The following EGFLAM variants were observed in gnomAD, a reference collection of about 807,000 sequenced individuals.
The protein encoded by EGFLAM is EGF like, fibronectin type III and laminin G domains.
EGFLAM carries 79 observed loss-of-function variants against 113.1 expected under a neutral mutation model. The ratio of observed to expected loss-of-function variants is 0.70; its 90% CI spans 0.58 to 0.84. EGFLAM has a LOEUF of 0.84. Ranked by LOEUF, EGFLAM falls within the 40% of genes least tolerant of loss-of-function variation. The pLI is 0.00. For synonymous variants in EGFLAM, 504 were observed against 487.6 expected, an observed-to-expected ratio of 1.03 and a Z score of -0.44; for missense variants, 1,265 against 1,291.6, an observed-to-expected ratio of 0.98 and a Z score of 0.32.
intron 10 of EGFLAM, among the ~76,000 whole-genome samples, chr5:38,410,003 C>T (rs950605929): frequency 6.6e-6 from 1 of 152,150 alleles, no homozygotes; most frequent in Admixed American, 6.5e-5. Context: ...ATGGCACCAA[C>T]CCCCTGCTGC....
chr5:38,262,610 C>T (rs1757528027), intron 1 of EGFLAM, among the ~76,000 whole-genome samples: 1 of 152,160 alleles, frequency 6.6e-6, no homozygotes, highest in South Asian at 2.1e-4. Flanking sequence ...CCCTCTGTCG[C>T]ATAATGCTTT....
chr5:38,302,190 T>C (rs1366503152), intron 1 of EGFLAM, among the ~76,000 whole-genome samples: 2 of 147,278 alleles, frequency 1.4e-5, no homozygotes, highest in Admixed American at 6.8e-5. Flanking sequence ...TGAGCCGAGA[T>C]AGTGCCATTG....
chr5:38,298,180 C>G (rs1758491439), intron 1 of EGFLAM, among the ~76,000 whole-genome samples: 1 of 152,200 alleles, frequency 6.6e-6, no homozygotes, highest in African/African-American at 2.4e-5. Context: ...GGAACATTTA[C>G]TAGCAATGAG....
rs914681989 is a variant in EGFLAM at position 38,299,048 on chromosome 5, T to C, written c.98-38472T>C. Among the ~76,000 whole-genome samples the C allele has an allele frequency of 3.3e-5, 5 of 152,168 alleles. No individual in the cohort carries two copies. The East Asian group carries it at 9.6e-4, about 29-fold the overall frequency. On this transcript the variant is annotated intron_variant, in intron 1 of 21. Transcript: ENST00000322350. The stretch of plus-strand genomic sequence containing the variant: ...ACAATGATTTCTTCCTATGTAACAG[T>C]TGAGAAAGCTGGGGCACAGAAAGAT...
intron 1 of EGFLAM, among the ~76,000 whole-genome samples, chr5:38,268,875 G>T (rs150470759): frequency 6.6e-6 from 1 of 152,260 alleles, no homozygotes; most frequent in East Asian, 1.9e-4. Context: ...TTTACAAAAG[G>T]TAAAATTAAT....
chr5:38,422,466 C>T, intron 12 of EGFLAM, among the ~76,000 whole-genome samples: 1 of 152,124 alleles, frequency 6.6e-6, no homozygotes, highest in Admixed American at 6.5e-5. Context: ...CACTGCAGCC[C>T]CCTTTGGTGG....
intron 1 of EGFLAM, among the ~76,000 whole-genome samples, chr5:38,295,952 T>A (rs1291960212): frequency 2.0e-5 from 3 of 152,114 alleles, no homozygotes; most frequent in Non-Finnish European, 4.4e-5. Flanking sequence ...CAAAACACAA[T>A]CAGAGACAAA....
At chr5:38,353,811 A>G (rs1388511774) in intron 5 of EGFLAM, among the ~76,000 whole-genome samples, 3 of 152,194 alleles carry the variant, frequency 2.0e-5, no homozygotes, top group Non-Finnish European at 4.4e-5. Context: ...GGCTTTTCCC[A>G]TAGGGTGGCA....
At chr5:38,304,732 C>T (rs188853709) in intron 1 of EGFLAM, among the ~76,000 whole-genome samples, 75 of 152,198 alleles carry the variant, frequency 4.9e-4, no homozygotes, top group African/African-American at 1.7e-3. Context: ...CTAAACAGTG[C>T]CTCTAACATG....
chr5:38,448,566 A>C, intron 18 of EGFLAM, 187 bp downstream of exon 18: 1 of 626,336 alleles, frequency 1.6e-6, no homozygotes, highest in Non-Finnish European at 2.7e-6. Context: ...ATAAAACAAA[A>C]AACAAACTAA....
chr5:38,316,076 CAAA>C (rs199596625), intron 1 of EGFLAM, among the ~76,000 whole-genome samples: 1 of 125,322 alleles, frequency 8.0e-6, no homozygotes. Context: ...GACTCTGTCC[CAAA>C]AAAAAAAAAA....
intron 11 of EGFLAM, among the ~76,000 whole-genome samples, chr5:38,416,585 C>T (rs144522587): frequency 2.6e-5 from 4 of 152,216 alleles, no homozygotes; most frequent in East Asian, 3.9e-4. Context: ...CGGGATCTTG[C>T]GAAGGGCACA....
At position 38,448,317 on chromosome 5, in the gene EGFLAM, T is replaced by C. The variant is rs747762726; in HGVS notation, c.2481T>C (p.Ile827=). 1.2e-6 allele frequency: 2 copies of C among 1,612,496 alleles called. No homozygotes were observed. The highest frequency in any genetic ancestry group is 1.1e-5 in the South Asian group (1 of 91,024). ...LHCQKAIIEA[I]EIPQFIGRSY... is the part of the protein sequence containing the mutation. ...CTGTCCCAGCGATCATAGAAGCCAT[T>C]GAGATCCCGCAGTTTATCGGCCGCA... is the stretch of plus-strand genomic sequence containing the variant. The change falls in exon 18 of 22, where the codon ATT becomes ATC. Residue 827 remains isoleucine (I), a synonymous_variant. Coordinates refer to ENST00000322350, the MANE Select transcript of EGFLAM (RefSeq NM_152403.4).
chr5:38,430,427 T>C (rs1267796873), intron 14 of EGFLAM, among the ~76,000 whole-genome samples: 1 of 152,220 alleles, frequency 6.6e-6, no homozygotes, highest in Non-Finnish European at 1.5e-5. Flanking sequence ...AATGCAATGT[T>C]CCTACTGTAT....
At chr5:38,365,102 G>T (rs907781972) in intron 5 of EGFLAM, among the ~76,000 whole-genome samples, 2 of 152,146 alleles carry the variant, frequency 1.3e-5, no homozygotes, top group Non-Finnish European at 2.9e-5. Flanking sequence ...ACTCTCAAAA[G>T]TATTTTCCTA....
intron 12 of EGFLAM, 117 bp downstream of exon 12, chr5:38,418,372 G>A (rs1741722232): frequency 7.6e-7 from 1 of 1,315,990 alleles, no homozygotes; most frequent in Non-Finnish European, 1.0e-6. Flanking sequence ...TGGGAAGCTG[G>A]TACCTTCAGA....
intron 3 of EGFLAM, among the ~76,000 whole-genome samples, chr5:38,348,538 C>T (rs1261672491): frequency 6.6e-6 from 1 of 152,162 alleles, no homozygotes; most frequent in African/African-American, 2.4e-5. Flanking sequence ...TCATTAAAGA[C>T]TGAGATGCAC....
intron 1 of EGFLAM, among the ~76,000 whole-genome samples, chr5:38,318,403 A>G (rs1183033534): frequency 2.6e-5 from 4 of 151,298 alleles, no homozygotes; most frequent in Non-Finnish European, 5.9e-5. Context: ...ATATATAACT[A>G]GATAGCTAGA....
In EGFLAM at chr5:38,407,818, G is replaced by T; in HGVS notation, c.1161G>T (p.Gln387His). The change falls in exon 9 of 22, where the codon CAG becomes CAT. Residue 387 changes from glutamine (Q) to histidine (H), a missense_variant. By Grantham distance (24) the Gln-to-His change is conservative. Coordinates refer to ENST00000322350, the MANE Select transcript of EGFLAM (RefSeq NM_152403.4). ...GESCSEDIVIQYPQFFGHSYV... is the reference protein window; with the variant it reads ...GESCSEDIVIHYPQFFGHSYV... ...TTTCTTCTTCAGATATTGTTATCCAGTATCCTCAGTTCTTTGGCCACTCCT... is the reference window on the plus strand; with the variant it reads ...TTTCTTCTTCAGATATTGTTATCCATTATCCTCAGTTCTTTGGCCACTCCT... 1 of 1,611,636 alleles carries T rather than the reference G, an allele frequency of 6.2e-7. No homozygotes were observed. The highest frequency in any genetic ancestry group is 8.5e-7 in the Non-Finnish European group (1 of 1,178,118).
Sources: allele counts gnomAD v4.1 joint callset (sites outside exome capture counted in the v4.1 genomes callset), GRCh38; gene constraint gnomAD v4.1.1; transcripts MANE v1.5; gene names NCBI Gene and HGNC (gene_info 2026-07-23, HGNC 2026-07-21).